Variants in C1QTNF3 observed in about 807,000 individuals in gnomAD.
C1QTNF3 encodes the protein complement C1q tumor necrosis factor-related protein 3.
A neutral mutation model predicts 32.6 loss-of-function variants in C1QTNF3; 26 were observed. That is an observed-to-expected ratio of 0.80 (90% CI 0.58 to 1.11). The LOEUF (loss-of-function observed/expected upper bound fraction) is 1.11, where lower values mean the gene tolerates loss of function less well. Ranked by LOEUF, C1QTNF3 falls within the 50% of genes least tolerant of loss-of-function variation. The probability of loss-of-function intolerance (pLI) is 0.00; values close to 1 mark genes in which losing one functional copy is unlikely to be tolerated. For missense variants in C1QTNF3, 362 were observed against 398.2 expected, an observed-to-expected ratio of 0.91 and a Z score of 0.77; for synonymous variants, 155 against 146.0, an observed-to-expected ratio of 1.06 and a Z score of -0.44.
chr5:34,035,609 C>T, intron 2 of C1QTNF3, 38 bp downstream of exon 2: 1 of 1,438,338 alleles, frequency 7.0e-7, no homozygotes, highest in South Asian at 1.1e-5. Flanking sequence ...TTAGCTCAGG[C>T]TGCAATTAGA....
chr5:34,131,797 G>A, the C1QTNF3 span, among the ~76,000 whole-genome samples: 1 of 152,094 alleles, frequency 6.6e-6, no homozygotes, highest in Admixed American at 6.6e-5. Flanking sequence ...ACAAAGAAAT[G>A]ATAAATTTTG....
the C1QTNF3 span, among the ~76,000 whole-genome samples, chr5:34,074,209 C>T: frequency 6.7e-6 from 1 of 148,560 alleles, no homozygotes; most frequent in Admixed American, 6.6e-5. Flanking sequence ...ATTGAATTCA[C>T]GTGTCTACAA....
chr5:34,132,904 T>C, the C1QTNF3 span, among the ~76,000 whole-genome samples: 1 of 152,166 alleles, frequency 6.6e-6, no homozygotes, highest in Non-Finnish European at 1.5e-5. Flanking sequence ...GACACATTAA[T>C]GAAGCCTAGT....
intron 1 of C1QTNF3, among the ~76,000 whole-genome samples, chr5:34,039,358 T>C (rs1353350868): frequency 2.0e-5 from 3 of 152,228 alleles, no homozygotes; most frequent in African/African-American, 7.2e-5. Context: ...GCCTTCCTTT[T>C]GTTCCTGCTC....
At chr5:34,162,790 A>C in the C1QTNF3 span, among the ~76,000 whole-genome samples, 2 of 152,188 alleles carry the variant, frequency 1.3e-5, no homozygotes, top group African/African-American at 4.8e-5. Context: ...AATTTTAATC[A>C]AATTATAAAT....
chr5:34,033,218 A>G (rs1754659077), intron 3 of C1QTNF3, 86 bp downstream of exon 3: 12 of 1,437,986 alleles, frequency 8.3e-6, no homozygotes, highest in Non-Finnish European at 1.1e-5. Flanking sequence ...GGAAGACTTG[A>G]GGAAGCGCTC....
the C1QTNF3 span, chr5:34,165,913 C>T: frequency 1.4e-5 from 2 of 144,856 alleles, no homozygotes; most frequent in African/African-American, 2.5e-5. Flanking sequence ...ATCAATTCTC[C>T]TGAAATATCT....
chr5:34,103,836 G>A, the C1QTNF3 span, among the ~76,000 whole-genome samples: 2 of 151,066 alleles, frequency 1.3e-5, no homozygotes, highest in East Asian at 3.9e-4. Context: ...AAAAAAAAAA[G>A]GTAGTCAAAT....
At chr5:34,231,266 T>C in the C1QTNF3 span, among the ~76,000 whole-genome samples, 3 of 152,346 alleles carry the variant, frequency 2.0e-5, no homozygotes, top group South Asian at 2.1e-4. Context: ...GATTGTGCCA[T>C]AGTATCAATT....
the C1QTNF3 span, among the ~76,000 whole-genome samples, chr5:34,063,925 C>T: frequency 3.0e-3 from 454 of 152,206 alleles, 3 homozygotes; most frequent in African/African-American, 0.01. Context: ...AAGGTAGGAG[C>T]GCATGCATGG....
intron 1 of C1QTNF3, 64 bp from the exon 2 acceptor site, chr5:34,035,822 T>C: frequency 8.1e-7 from 1 of 1,239,800 alleles, no homozygotes; most frequent in Non-Finnish European, 1.2e-6. Flanking sequence ...GATTTTTAAA[T>C]TTCCACTGGC....
At chr5:34,234,226 C>T in the C1QTNF3 span, among the ~76,000 whole-genome samples, 1 of 152,012 alleles carries the variant, frequency 6.6e-6, no homozygotes, top group East Asian at 1.9e-4. Flanking sequence ...ATAGCTTAAA[C>T]CAAGTAGAAG....
chr5:34,058,341 G>A, the C1QTNF3 span, among the ~76,000 whole-genome samples: 1 of 152,304 alleles, frequency 6.6e-6, no homozygotes, highest in Admixed American at 6.5e-5. Flanking sequence ...AGGGTGAAGA[G>A]TGGAAGAGCA....
the C1QTNF3 span, chr5:34,168,604 G>C: frequency 2.0e-5 from 3 of 151,660 alleles, no homozygotes; most frequent in Admixed American, 2.0e-4. Context: ...TATTGAGCAG[G>C]AACAGCACCT....
chr5:34,091,462 T>G, the C1QTNF3 span, among the ~76,000 whole-genome samples: 2 of 152,362 alleles, frequency 1.3e-5, no homozygotes, highest in African/African-American at 4.8e-5. Flanking sequence ...TCTTTCATTT[T>G]GTTTGTTTTT....
the C1QTNF3 span, among the ~76,000 whole-genome samples, chr5:34,163,653 A>T: frequency 6.6e-6 from 1 of 152,108 alleles, no homozygotes; most frequent in African/African-American, 2.4e-5. Flanking sequence ...AGGGCAAAAA[A>T]CCAGACTGGA....
the C1QTNF3 span, among the ~76,000 whole-genome samples, chr5:34,142,169 T>C: frequency 6.6e-6 from 1 of 152,246 alleles, no homozygotes; most frequent in South Asian, 2.1e-4. Context: ...CACTGGCTCA[T>C]GCCTGTAATC....
At chr5:34,173,362 A>G in the C1QTNF3 span, among the ~76,000 whole-genome samples, 1 of 149,848 alleles carries the variant, frequency 6.7e-6, no homozygotes, top group African/African-American at 2.5e-5. Flanking sequence ...TGAAATTACA[A>G]ATATACTACT....
intron 1 of C1QTNF3, among the ~76,000 whole-genome samples, chr5:34,039,268 C>T (rs910931114): frequency 3.3e-5 from 5 of 152,150 alleles, no homozygotes; most frequent in South Asian, 2.1e-4. Flanking sequence ...AGTATGCCAA[C>T]GTAAAAAAAC....
Sources: allele counts gnomAD v4.1 joint callset (sites outside exome capture counted in the v4.1 genomes callset), GRCh38; gene constraint gnomAD v4.1.1; transcripts MANE v1.5; gene names NCBI Gene and HGNC (gene_info 2026-07-23, HGNC 2026-07-21).